The following KIF26B variants were observed in gnomAD, a reference collection of about 807,000 sequenced individuals.
The protein encoded by KIF26B is kinesin-like protein KIF26B.
In KIF26B, 63 loss-of-function variants were observed where a neutral mutation model predicts 151.2. The observed-to-expected ratio is 0.42, with a 90% CI of 0.34 to 0.51. The LOEUF (loss-of-function observed/expected upper bound fraction) is 0.51, where lower values mean the gene tolerates loss of function less well. KIF26B is among the 20% of genes least tolerant of loss of function. The pLI, the probability that KIF26B is intolerant of heterozygous loss-of-function variation, is 0.07. For missense variants in KIF26B, 2,813 were observed against 2,913.6 expected (o/e 0.97, Z 0.79); for synonymous variants, 1,357 against 1,262.1 (o/e 1.08, Z -1.59).
chr1:245,242,070 A>G (rs1490683107), intron 2 of KIF26B, among the ~76,000 whole-genome samples: 1 of 152,226 alleles, frequency 6.6e-6, no homozygotes, highest in Admixed American at 6.5e-5. Flanking sequence ...GATTTAAAAT[A>G]GCATCTCAAA....
intron 4 of KIF26B, among the ~76,000 whole-genome samples, chr1:245,433,328 G>A (rs1050594300): frequency 8.6e-5 from 13 of 151,716 alleles, no homozygotes; most frequent in Admixed American, 2.6e-4. Context: ...TTAACAGGGC[G>A]TGGTGGTGGG....
At chr1:245,587,290 A>G (rs2043238364) in intron 5 of KIF26B, among the ~76,000 whole-genome samples, 1 of 152,182 alleles carries the variant, frequency 6.6e-6, no homozygotes. Context: ...CTTTTGTACT[A>G]CTCTATTATG....
chr1:245,226,567 G>T lies in KIF26B; in HGVS notation c.465+69884G>T, dbSNP rs1271670237. Among the ~76,000 whole-genome samples, 7 of 151,820 alleles carry T rather than the reference G, an allele frequency of 4.6e-5. No individual in the cohort carries two copies. The East Asian group carries it at 1.2e-3, about 25-fold the overall frequency. On this transcript the variant is annotated intron_variant, in intron 2 of 14. Transcript: ENST00000407071. ...AACCTCCTTTTCCCAGGTTCTAAGC[G>T]ATTCTCCTGCCTCAGCCTCCTGAGT...
chr1:245,293,881 T>C (rs933781411), intron 2 of KIF26B, among the ~76,000 whole-genome samples: 2 of 152,192 alleles, frequency 1.3e-5, no homozygotes, highest in African/African-American at 4.8e-5. Flanking sequence ...CCCAGCCGAT[T>C]TCTTTTTATT....
chr1:245,212,037 G>A (rs999435480), intron 2 of KIF26B, among the ~76,000 whole-genome samples: 45 of 152,112 alleles, frequency 3.0e-4, no homozygotes, highest in Non-Finnish European at 1.2e-4. Flanking sequence ...CTTGAGGAAG[G>A]GTCCCCCCTT....
chr1:245,258,658 CT>C (rs1558364903), intron 2 of KIF26B, among the ~76,000 whole-genome samples: 1 of 152,164 alleles, frequency 6.6e-6, no homozygotes, highest in African/African-American at 2.4e-5. Flanking sequence ...CAAGAGCCTT[CT>C]CACAGCATCT....
chr1:245,393,346 CT>C (rs1158661964), intron 3 of KIF26B, among the ~76,000 whole-genome samples: 1 of 152,128 alleles, frequency 6.6e-6, no homozygotes, highest in East Asian at 1.9e-4. Flanking sequence ...GCATTCTGTT[CT>C]TGCTTCATGG....
intron 4 of KIF26B, 65 bp downstream of exon 4, chr1:245,419,810 A>G: frequency 7.1e-7 from 1 of 1,416,624 alleles, no homozygotes; most frequent in Non-Finnish European, 9.6e-7. Context: ...CCTCACGTGG[A>G]CTAGCTCAGC....
rs139125485 is a variant in KIF26B at position 245,691,058 on chromosome 1, G to A, written c.5824+2251G>A. Among the ~76,000 whole-genome samples the A allele has an allele frequency of 2.4e-4, 36 of 152,330 alleles. No individual in the cohort carries two copies. In the East Asian group the frequency reaches 6.4e-3, roughly 27 times the overall value. On this transcript the variant is annotated intron_variant, in intron 12 of 14. Coordinates refer to ENST00000407071, the MANE Select transcript of KIF26B (RefSeq NM_018012.4). ...TGTGTGGCATCGGCTGCGTGGCCAC[G>A]TGTGTTTCAGTGTCCCACAGTGCTT...
chr1:245,307,902 G>A (rs900972836), intron 2 of KIF26B, among the ~76,000 whole-genome samples: 5 of 152,082 alleles, frequency 3.3e-5, no homozygotes, highest in Non-Finnish European at 5.9e-5. Flanking sequence ...CACCACGCCC[G>A]GCTAATTTTT....
intron 9 of KIF26B, among the ~76,000 whole-genome samples, chr1:245,613,683 A>C (rs2043553052): frequency 6.6e-6 from 1 of 152,072 alleles, no homozygotes; most frequent in Non-Finnish European, 1.5e-5. Context: ...GGCTCAAAAG[A>C]CCTGGACAAC....
intron 2 of KIF26B, among the ~76,000 whole-genome samples, chr1:245,197,252 T>C (rs1305834522): frequency 6.6e-6 from 1 of 152,164 alleles, no homozygotes; most frequent in Non-Finnish European, 1.5e-5. Flanking sequence ...TTATAAACCA[T>C]GGGCCTTCTA....
chr1:245,197,063 G>A (rs1049593812), intron 2 of KIF26B, among the ~76,000 whole-genome samples: 3 of 152,142 alleles, frequency 2.0e-5, no homozygotes, highest in Non-Finnish European at 4.4e-5. Flanking sequence ...CAGAGGGCAC[G>A]GATTAGATTT....
At chr1:245,499,824 G>C (rs962290987) in intron 4 of KIF26B, among the ~76,000 whole-genome samples, 5 of 152,234 alleles carry the variant, frequency 3.3e-5, no homozygotes, top group Admixed American at 6.5e-5. Flanking sequence ...ATTCAGGCTG[G>C]TAGGTCTGAT....
intron 7 of KIF26B, among the ~76,000 whole-genome samples, chr1:245,607,948 C>T (rs983569855): frequency 1.3e-5 from 2 of 152,192 alleles, no homozygotes; most frequent in African/African-American, 4.8e-5. Context: ...GGAAAGCCTT[C>T]AAGTCCAAAT....
chr1:245,476,806 G>A (rs542758735), intron 4 of KIF26B, among the ~76,000 whole-genome samples: 18 of 151,738 alleles, frequency 1.2e-4, no homozygotes, highest in African/African-American at 2.2e-4. Flanking sequence ...GATTACAGAC[G>A]AGAGCCACCG....
At chr1:245,454,705 G>A (rs1354800020) in intron 4 of KIF26B, among the ~76,000 whole-genome samples, 1 of 152,216 alleles carries the variant, frequency 6.6e-6, no homozygotes, top group Non-Finnish European at 1.5e-5. Context: ...ATCTGCCCCA[G>A]AAACTGCCCT....
intron 2 of KIF26B, among the ~76,000 whole-genome samples, chr1:245,332,290 A>C (rs1672129743): frequency 6.6e-6 from 1 of 152,100 alleles, no homozygotes; most frequent in South Asian, 2.1e-4. Flanking sequence ...TTGTAAATTC[A>C]TTCAGGCAGA....
intron 2 of KIF26B, among the ~76,000 whole-genome samples, chr1:245,188,975 T>C (rs1398308477): frequency 6.6e-6 from 1 of 152,224 alleles, no homozygotes; most frequent in African/African-American, 2.4e-5. Flanking sequence ...GTTGTATGGC[T>C]TTGCTTACAC....
Sources: gnomAD v4.1 joint callset for allele counts (sites outside exome capture counted in the v4.1 genomes callset) on GRCh38, gnomAD v4.1.1 for gene constraint, MANE v1.5 for transcripts, NCBI Gene and HGNC (gene_info 2026-07-23, HGNC 2026-07-21) for gene names.